The following ACTR3C variants were observed in gnomAD, a reference collection of about 807,000 sequenced individuals.
ACTR3C encodes actin-related protein 3C.
In ACTR3C, 18 loss-of-function variants were observed where a neutral mutation model predicts 26.3. The observed-to-expected ratio is 0.68, with a 90% CI of 0.47 to 1.01. The LOEUF (loss-of-function observed/expected upper bound fraction) is 1.01. Ranked by LOEUF, ACTR3C falls within the 50% of genes least tolerant of loss-of-function variation. ACTR3C has a pLI of 0.00. For missense variants in ACTR3C, 184 were observed against 250.7 expected, an observed-to-expected ratio of 0.73 and a Z score of 1.80; for synonymous variants, 55 against 94.5, an observed-to-expected ratio of 0.58 and a Z score of 2.42.
chr7:150,201,337 A>G, the ACTR3C span, among the ~76,000 whole-genome samples: 1 of 152,212 alleles, frequency 6.6e-6, no homozygotes, highest in African/African-American at 2.4e-5. Context: ...TACTGCTGCA[A>G]AGAAACTCCA....
chr7:150,101,130 A>G, the ACTR3C span, among the ~76,000 whole-genome samples: 2 of 151,750 alleles, frequency 1.3e-5, no homozygotes, highest in South Asian at 4.2e-4. Flanking sequence ...TCAGAGGAAC[A>G]CAGTGAGCAC....
the ACTR3C span, among the ~76,000 whole-genome samples, chr7:149,897,611 A>G: frequency 6.6e-6 from 1 of 152,256 alleles, no homozygotes; most frequent in East Asian, 1.9e-4. Flanking sequence ...CACGCCTGTA[A>G]TCCCAGCACT....
the ACTR3C span, among the ~76,000 whole-genome samples, chr7:150,237,667 C>T: frequency 3.3e-5 from 5 of 152,156 alleles, no homozygotes; most frequent in Non-Finnish European, 7.3e-5. Context: ...GCAGCATTTG[C>T]GTGCAATCAC....
chr7:150,048,751 G>A, the ACTR3C span, among the ~76,000 whole-genome samples: 2 of 152,096 alleles, frequency 1.3e-5, no homozygotes, highest in African/African-American at 2.4e-5. Context: ...GTGCAAATGG[G>A]GCGTGGGAGA....
intron 6 of ACTR3C, among the ~76,000 whole-genome samples, chr7:150,253,945 A>G (rs1833030554): frequency 6.6e-6 from 1 of 151,270 alleles, no homozygotes; most frequent in East Asian, 1.9e-4. Context: ...CACTGGTATC[A>G]TTGGGTATAG....
At chr7:150,028,114 G>A in the ACTR3C span, among the ~76,000 whole-genome samples, 9 of 152,292 alleles carry the variant, frequency 5.9e-5, no homozygotes, top group African/African-American at 1.9e-4. Context: ...TTTCTAAGTC[G>A]ATATGTTTTA....
chr7:150,209,441 T>C, the ACTR3C span, among the ~76,000 whole-genome samples: 1 of 151,386 alleles, frequency 6.6e-6, no homozygotes, highest in Non-Finnish European at 1.5e-5. Flanking sequence ...CTCAAAGGTA[T>C]TTTATGTTTT....
At chr7:150,153,209 A>C in the ACTR3C span, among the ~76,000 whole-genome samples, 60,619 of 151,916 alleles carry the variant, frequency 0.4, 12,546 homozygotes, top group East Asian at 0.49. Context: ...AACAAAAGCC[A>C]AAACTGACAA....
At chr7:150,299,965 T>G (rs1294587812) in intron 1 of ACTR3C, among the ~76,000 whole-genome samples, 5 of 133,882 alleles carry the variant, frequency 3.7e-5, no homozygotes, top group South Asian at 4.2e-4. Context: ...AGTATTAGGG[T>G]TTTTTTTTAC....
At chr7:150,130,961 T>C in the ACTR3C span, among the ~76,000 whole-genome samples, 1 of 152,210 alleles carries the variant, frequency 6.6e-6, no homozygotes, top group Non-Finnish European at 1.5e-5. Context: ...AGAGCACTGA[T>C]TTCCGAGGGC....
At chr7:149,917,144 T>C in the ACTR3C span, among the ~76,000 whole-genome samples, 13 of 151,498 alleles carry the variant, frequency 8.6e-5, no homozygotes, top group East Asian at 2.3e-3. Context: ...GGCGCGATCT[T>C]GGCTCACTGA....
the ACTR3C span, among the ~76,000 whole-genome samples, chr7:150,121,952 A>G: frequency 6.6e-6 from 1 of 152,074 alleles, no homozygotes; most frequent in Admixed American, 6.5e-5. Flanking sequence ...GATCTTTGAC[A>G]AACCTAACAA....
the ACTR3C span, among the ~76,000 whole-genome samples, chr7:150,230,381 T>C: frequency 1.3e-5 from 2 of 152,214 alleles, no homozygotes; most frequent in Non-Finnish European, 2.9e-5. Context: ...AGTTGGTCTA[T>C]TTCACGGAAT....
chr7:150,292,647 G>A (rs575711124), intron 3 of ACTR3C, among the ~76,000 whole-genome samples: 20 of 152,130 alleles, frequency 1.3e-4, no homozygotes, highest in African/African-American at 3.6e-4. Context: ...ACAGGCATGC[G>A]CCACCACACC....
At chr7:150,159,160 T>A in the ACTR3C span, among the ~76,000 whole-genome samples, 1 of 139,494 alleles carries the variant, frequency 7.2e-6, no homozygotes, top group Non-Finnish European at 1.5e-5. Context: ...AATTTTTATT[T>A]GTCATACCTT....
the ACTR3C span, among the ~76,000 whole-genome samples, chr7:150,193,382 G>T: frequency 6.8e-6 from 1 of 146,072 alleles, no homozygotes; most frequent in Non-Finnish European, 1.5e-5. Context: ...CGGTTTAATT[G>T]ATTTTCTCTA....
At chr7:150,090,020 A>C in the ACTR3C span, among the ~76,000 whole-genome samples, 1 of 152,252 alleles carries the variant, frequency 6.6e-6, no homozygotes, top group African/African-American at 2.4e-5. Context: ...AAAGGGAAGC[A>C]TTCTGTGATT....
the ACTR3C span, among the ~76,000 whole-genome samples, chr7:149,908,930 C>T: frequency 1.3e-5 from 2 of 152,182 alleles, no homozygotes; most frequent in South Asian, 4.2e-4. Context: ...TACAGGCACG[C>T]ACCACCACAC....
At chr7:150,093,004 G>A in the ACTR3C span, among the ~76,000 whole-genome samples, 1 of 151,456 alleles carries the variant, frequency 6.6e-6, no homozygotes, top group East Asian at 1.9e-4. Flanking sequence ...TGTAGGGAGC[G>A]TTGGCTAAAA....
Sources: allele counts gnomAD v4.1 joint callset (sites outside exome capture counted in the v4.1 genomes callset), GRCh38; gene constraint gnomAD v4.1.1; transcripts MANE v1.5; gene names NCBI Gene and HGNC (gene_info 2026-07-23, HGNC 2026-07-21).